The following CD47 variants were observed in gnomAD, a reference collection of about 807,000 sequenced individuals.
The protein encoded by CD47 is CD47 molecule.
In CD47, 11 loss-of-function variants were observed where a neutral mutation model predicts 44.6. The observed-to-expected ratio is 0.25, with a 90% CI of 0.16 to 0.41. The LOEUF (loss-of-function observed/expected upper bound fraction) is 0.41, where lower values mean the gene tolerates loss of function less well. Ranked by LOEUF, CD47 falls within the 10% of genes least tolerant of loss-of-function variation. The pLI, the probability that CD47 is intolerant of heterozygous loss-of-function variation, is 1.00. For missense variants in CD47, 306 were observed against 386.7 expected, an observed-to-expected ratio of 0.79 and a Z score of 1.75; for synonymous variants, 140 against 136.3, an observed-to-expected ratio of 1.03 and a Z score of -0.19.
intron 7 of CD47, chr3:108,053,906 G>C (rs2078870918): frequency 6.6e-6 from 1 of 152,164 alleles, no homozygotes; most frequent in Non-Finnish European, 1.5e-5. Flanking sequence ...GAAATACAGA[G>C]CTTTATTTGG....
chr3:108,073,501 A>G (rs2079248924), intron 2 of CD47, among the ~76,000 whole-genome samples: 1 of 152,142 alleles, frequency 6.6e-6, no homozygotes, highest in Non-Finnish European at 1.5e-5. Flanking sequence ...AACGAAACTA[A>G]GCCTAGGATG....
Position 108,090,986 on chromosome 3 carries a change from C to A in CD47, c.-78G>T, listed in dbSNP as rs1409794347. The A allele has an allele frequency of 8.8e-6, 9 of 1,024,550 alleles. No homozygotes were observed. In the Admixed American group the frequency reaches 3.6e-4, roughly 41 times the overall value. 63.5% of individuals were successfully genotyped at this position (1,024,550 alleles called of 1,614,324 possible). A position where few individuals can be genotyped will look rare whatever the true frequency, so the allele number is the denominator to read the frequency against. On this transcript the variant is annotated 5_prime_UTR_variant, in exon 1 of 11. Transcript: ENST00000361309. ...GCCGCCGCCGCCGTTACAGGCAGGA[C>A]CGACCGCCGCCGCGCGTCACAGGCA...
chr3:108,050,570 C>T lies in CD47; in HGVS notation c.934+8G>A. 1 of 1,204,900 alleles carries T rather than the reference C, an allele frequency of 8.3e-7. No homozygotes were observed. The highest frequency in any genetic ancestry group is 1.2e-6 in the Non-Finnish European group (1 of 837,194). 74.6% of individuals were successfully genotyped at this position (1,204,900 alleles called of 1,614,324 possible). A position where few individuals can be genotyped will look rare whatever the true frequency, so the allele number is the denominator to read the frequency against. On this transcript the variant is annotated splice_region_variant and intron_variant, in intron 9 of 10. Transcript: ENST00000361309. ...TGGTAAAGGATTAAGAGTGAAATAA[C>T]CACATACCATTAAGGGGTTCCTCTA... is the stretch of plus-strand genomic sequence containing the variant.
chr3:108,058,444 A>C lies in CD47; in HGVS notation c.692-15T>G, dbSNP rs980049734. The C allele has an allele frequency of 2.7e-6, 4 of 1,500,246 alleles. No homozygotes were observed. The highest frequency in any genetic ancestry group is 4.8e-5 in the East Asian group (2 of 41,938). 92.9% of individuals were successfully genotyped at this position (1,500,246 alleles called of 1,614,324 possible). ...TAATCCAATCGCTGGAGGAAGGAAA[A>C]GGATGTAACAGAAGCATGTCAAGAG... On this transcript the variant is annotated splice_polypyrimidine_tract_variant and intron_variant, in intron 5 of 10. Transcript: ENST00000361309.
intron 3 of CD47, among the ~76,000 whole-genome samples, chr3:108,063,034 G>A (rs2079043600): frequency 6.6e-6 from 1 of 151,986 alleles, no homozygotes; most frequent in African/African-American, 2.4e-5. Flanking sequence ...AGCTGTTATA[G>A]GAGAAAACAG....
intron 5 of CD47, among the ~76,000 whole-genome samples, chr3:108,059,089 C>CT (rs768497592): frequency 1.3e-5 from 2 of 152,124 alleles, no homozygotes; most frequent in Non-Finnish European, 2.9e-5. Flanking sequence ...TAGAACCAGT[C>CT]TTCTTAATGC....
rs1480727800 is a variant in CD47 at position 108,043,721 on chromosome 3, C to T, written c.*3567G>A. ...CTTCTCTCACCAGTCATGATAACAACACTTTTAAGATTTAAGATGTTGTCT... is the reference window on the plus strand; with the variant it reads ...CTTCTCTCACCAGTCATGATAACAATACTTTTAAGATTTAAGATGTTGTCT... On this transcript the variant is annotated 3_prime_UTR_variant, in exon 11 of 11. Coordinates refer to ENST00000361309, the MANE Select transcript of CD47 (RefSeq NM_001777.4). 1.3e-5 allele frequency: 2 copies of T among 152,736 alleles called. No individual in the cohort carries two copies. Among genetic ancestry groups the T allele is most frequent in the East Asian group, 3.9e-4 (2 of 5,188 alleles). 9.5% of individuals were successfully genotyped at this position (152,736 alleles called of 1,614,324 possible). A position where few individuals can be genotyped will look rare whatever the true frequency, so the allele number is the denominator to read the frequency against.
intron 3 of CD47, among the ~76,000 whole-genome samples, chr3:108,067,238 A>T (rs929915853): frequency 2.6e-5 from 4 of 152,246 alleles, no homozygotes; most frequent in African/African-American, 9.6e-5. Flanking sequence ...AACAAAAAAA[A>T]TTTTAAAGGT....
intron 8 of CD47, 95 bp from the exon 9 acceptor site, chr3:108,050,697 G>T: frequency 1.9e-6 from 1 of 529,650 alleles, no homozygotes; most frequent in Non-Finnish European, 3.4e-6. Flanking sequence ...AAATTACGTA[G>T]TAAGCAGTAA....
rs961996333 is a variant in CD47, at chr3:108,046,334, G to C, written c.*954C>G. ...TCAATCTTGCTTTTTTCATGCCCCA[G>C]ATCAGAAAAGAAGTGAAGAAACACT... On this transcript the variant is annotated 3_prime_UTR_variant, in exon 11 of 11. Transcript: ENST00000361309. 2.6e-5 allele frequency: 4 copies of C among 152,638 alleles called. No homozygotes were observed. The highest frequency in any genetic ancestry group is 9.6e-5 in the African/African-American group (4 of 41,452). The allele number at this position is 152,638 out of a possible 1,614,324, so 9.5% of individuals were successfully genotyped here.
chr3:108,056,946 C>A (rs1156404663), intron 7 of CD47, among the ~76,000 whole-genome samples: 4 of 152,104 alleles, frequency 2.6e-5, no homozygotes, highest in Non-Finnish European at 5.9e-5. Context: ...TAAAGTCATG[C>A]ATTAGAGGTC....
chr3:108,049,025 T>C (rs566668774), intron 10 of CD47, among the ~76,000 whole-genome samples: 1 of 152,218 alleles, frequency 6.6e-6, no homozygotes, highest in South Asian at 2.1e-4. Context: ...TGAAATATTC[T>C]ATAAAGATTA....
At position 108,086,729 on chromosome 3, in the gene CD47, T is replaced by C. The variant is rs192545030; in HGVS notation, c.46+4134A>G. Among the ~76,000 whole-genome samples the C allele has an allele frequency of 5.3e-5, 8 of 152,274 alleles. No homozygotes were observed. The East Asian group carries it at 1.5e-3, about 29-fold the overall frequency. On this transcript the variant is annotated intron_variant, in intron 1 of 10. Transcript: ENST00000361309. ...AACAAGGGCAAGGACATTTTGGTTC[T>C]TGAGGTTTTTTGTTTTATTTTTTAA...
chr3:108,063,112 G>C (rs2079044611), intron 3 of CD47, among the ~76,000 whole-genome samples: 1 of 152,066 alleles, frequency 6.6e-6, no homozygotes, highest in Non-Finnish European at 1.5e-5. Flanking sequence ...ACCATAAAAT[G>C]GTCCGTCTCT....
chr3:108,050,584 G>A lies in CD47; in HGVS notation c.928C>T (p.Leu310Phe). ...GAGTGAAATAACCACATACCATTAA[G>A]GGGTTCCTCTACAGCTTTCTGAAAA... The part of the protein sequence containing the change: ...QPPRKAVEEP[L>F]NAFKESKGMM... The change falls in exon 9 of 11, where the codon CTT becomes TTT. Residue 310 changes from leucine to phenylalanine, a missense_variant. By Grantham distance (22) the Leu-to-Phe change is conservative (BLOSUM62 0). Coordinates refer to ENST00000361309, the MANE Select transcript of CD47 (RefSeq NM_001777.4). 1 of 1,199,314 alleles carries A rather than the reference G, an allele frequency of 8.3e-7. No individual in the cohort carries two copies. Among genetic ancestry groups the A allele is most frequent in the Non-Finnish European group, 1.2e-6 (1 of 835,594 alleles). 74.3% of individuals were successfully genotyped at this position (1,199,314 alleles called of 1,614,324 possible).
intron 7 of CD47, chr3:108,055,627 A>AT: frequency 1.1e-6 from 1 of 951,932 alleles, no homozygotes; most frequent in Non-Finnish European, 1.5e-6. Context: ...AAATTAGGAC[A>AT]CTATCAATAA....
At chr3:108,069,547 G>C (rs1157317287) in intron 3 of CD47, among the ~76,000 whole-genome samples, 1 of 138,428 alleles carries the variant, frequency 7.2e-6, no homozygotes, top group Non-Finnish European at 1.5e-5. Context: ...TCCCTACTTT[G>C]TACGAGGTGT....
At chr3:108,088,577 C>T (rs1339963808) in intron 1 of CD47, among the ~76,000 whole-genome samples, 4 of 151,496 alleles carry the variant, frequency 2.6e-5, no homozygotes, top group Non-Finnish European at 5.9e-5. Flanking sequence ...TACTACTAGA[C>T]TTAGACGATG....
rs1444751133 is a variant in CD47, at chr3:108,060,857, A to G, written c.491-5T>C. ...CACCGGATCTATATTTAAGTGCTTAAAAAAGAAAAACAAAGAATTATATGA... is the reference window on the plus strand; with the variant it reads ...CACCGGATCTATATTTAAGTGCTTAGAAAAGAAAAACAAAGAATTATATGA... On this transcript the variant is annotated splice_polypyrimidine_tract_variant and splice_region_variant and intron_variant, in intron 3 of 10. Coordinates refer to ENST00000361309, the MANE Select transcript of CD47 (RefSeq NM_001777.4). The G allele has an allele frequency of 3.8e-6, 6 of 1,583,556 alleles. No individual in the cohort carries two copies. In the African/African-American group the frequency reaches 8.1e-5, roughly 21 times the overall value.
Sources: gnomAD v4.1 joint callset for allele counts (sites outside exome capture counted in the v4.1 genomes callset) on GRCh38, gnomAD v4.1.1 for gene constraint, MANE v1.5 for transcripts, NCBI Gene and HGNC (gene_info 2026-07-23, HGNC 2026-07-21) for gene names.